The following PATJ variants were observed in gnomAD, a reference collection of about 807,000 sequenced individuals.
PATJ encodes inaD-like protein.
PATJ carries 190 observed loss-of-function variants against 224.9 expected under a neutral mutation model. The observed-to-expected ratio is 0.84, with a 90% CI of 0.75 to 0.95. The LOEUF is 0.95. PATJ is among the 40% of genes least tolerant of loss of function. The pLI is 0.00. For synonymous variants in PATJ, 769 were observed against 820.3 expected, an observed-to-expected ratio of 0.94 and a Z score of 1.07; for missense variants, 2,121 against 2,270.3, an observed-to-expected ratio of 0.93 and a Z score of 1.34.
At position 61,861,632 on chromosome 1, in the gene PATJ, G is replaced by C. The variant is rs116544267; in HGVS notation, c.2404G>C (p.Asp802His). Residue 802 changes from aspartate to histidine, a missense_variant, in exon 19 of 44, where the codon GAT becomes CAT. Coordinates refer to ENST00000642238, the MANE Select transcript of PATJ (RefSeq NM_001350145.3). Reference protein sequence around the residue: ...DKTEFSGTIHDINSSLILEAP... With the variant: ...DKTEFSGTIHHINSSLILEAP... ...GACTGAATTTTCAGGAACAATTCATGATATAAATTCATCTTTAATACTCGA... is the reference window on the plus strand; with the variant it reads ...GACTGAATTTTCAGGAACAATTCATCATATAAATTCATCTTTAATACTCGA... 3,109 of 1,471,416 alleles carry C rather than the reference G, an allele frequency of 2.1e-3. 65 individuals are homozygous for C. In the African/African-American group the frequency reaches 0.04, roughly 19 times the overall value. 91.1% of individuals were successfully genotyped at this position (1,471,416 alleles called of 1,614,324 possible).
In PATJ at chr1:61,791,886, T is replaced by A. The variant is rs143851719; in HGVS notation, c.1168+439T>A. Among the ~76,000 whole-genome samples, 769 of 152,318 alleles carry A rather than the reference T, an allele frequency of 5.0e-3. 3 individuals are homozygous for A. Among genetic ancestry groups the A allele is most frequent in the Non-Finnish European group, 6.8e-3 (463 of 68,018 alleles). On this transcript the variant is annotated intron_variant, in intron 9 of 43. Coordinates refer to ENST00000642238, the MANE Select transcript of PATJ (RefSeq NM_001350145.3). ...TTTCATTAGAACTATTTTCTTTTCA[T>A]GTGAAAGAAATAAACTATGAGAATA... is the stretch of plus-strand genomic sequence containing the variant.
intron 13 of PATJ, among the ~76,000 whole-genome samples, chr1:61,807,875 T>C (rs1331518254): frequency 6.6e-6 from 1 of 152,248 alleles, no homozygotes; most frequent in Admixed American, 6.5e-5. Flanking sequence ...AATTCACTTC[T>C]GTGGATGTCC....
At chr1:61,934,170 G>A (rs1408590356) in intron 27 of PATJ, among the ~76,000 whole-genome samples, 1 of 152,162 alleles carries the variant, frequency 6.6e-6, no homozygotes, top group East Asian at 1.9e-4. Flanking sequence ...CCAGGCTAGA[G>A]TGCAGTGGCA....
At chr1:61,776,393 AACAAAGGCAGTGG>A in intron 7 of PATJ, among the ~76,000 whole-genome samples, 1 of 152,212 alleles carries the variant, frequency 6.6e-6, no homozygotes, top group Non-Finnish European at 1.5e-5. Flanking sequence ...CTTGGTGCAA[AACAAAGGCAGTGG>A]CCACAAACCG....
chr1:62,000,356 C>A (rs1366580985), intron 28 of PATJ, among the ~76,000 whole-genome samples: 6 of 118,556 alleles, frequency 5.1e-5, no homozygotes, highest in Non-Finnish European at 1.0e-4. Flanking sequence ...CCTCCCCCCA[C>A]CCCACAACAG....
At chr1:61,925,450 A>G (rs1675052814) in intron 26 of PATJ, among the ~76,000 whole-genome samples, 1 of 152,232 alleles carries the variant, frequency 6.6e-6, no homozygotes, top group African/African-American at 2.4e-5. Flanking sequence ...ACAAGTACAC[A>G]TCAGAACCAA....
intron 31 of PATJ, among the ~76,000 whole-genome samples, chr1:62,068,001 G>A (rs895256394): frequency 6.6e-6 from 1 of 152,062 alleles, no homozygotes; most frequent in African/African-American, 2.4e-5. Context: ...GGGTTTCACC[G>A]TGTTCCCTAG....
At chr1:62,062,395 T>G (rs1362839464) in intron 31 of PATJ, among the ~76,000 whole-genome samples, 2 of 110,240 alleles carry the variant, frequency 1.8e-5, no homozygotes, top group Non-Finnish European at 4.5e-5. Flanking sequence ...TTGTCTTCTT[T>G]TTTTTTTTTT....
chr1:61,846,282 A>C (rs1410869970), intron 17 of PATJ: 1 of 152,192 alleles, frequency 6.6e-6, no homozygotes. Flanking sequence ...AATCTTCATG[A>C]TTAAACAACT....
chr1:62,046,860 G>C (rs554656378), intron 30 of PATJ, among the ~76,000 whole-genome samples: 1 of 152,274 alleles, frequency 6.6e-6, no homozygotes, highest in East Asian at 1.9e-4. Context: ...TAGACATAGA[G>C]AGTATTTTTT....
intron 14 of PATJ, 61 bp downstream of exon 14, chr1:61,808,591 A>G (rs144527097): frequency 3.8e-4 from 402 of 1,064,970 alleles, no homozygotes; most frequent in Non-Finnish European, 5.4e-4. Flanking sequence ...GGGTCTCACT[A>G]TGTTGTCCAG....
At chr1:62,066,951 A>G (rs1656556811) in intron 31 of PATJ, among the ~76,000 whole-genome samples, 1 of 151,966 alleles carries the variant, frequency 6.6e-6, no homozygotes, top group Non-Finnish European at 1.5e-5. Flanking sequence ...GGTCAGTTTG[A>G]AAGATATCTC....
intron 41 of PATJ, among the ~76,000 whole-genome samples, chr1:62,139,786 G>A (rs1667319741): frequency 6.6e-6 from 1 of 150,846 alleles, no homozygotes; most frequent in South Asian, 2.1e-4. Context: ...TTGAGACAGG[G>A]TCTCACTCTG....
intron 17 of PATJ, chr1:61,852,518 ATG>A (rs940685330): frequency 6.6e-5 from 10 of 151,836 alleles, no homozygotes; most frequent in African/African-American, 2.4e-4. Flanking sequence ...TTGGCAGCAC[ATG>A]TACTAAAATT....
intron 27 of PATJ, among the ~76,000 whole-genome samples, chr1:61,973,555 G>A (rs1186454398): frequency 6.6e-6 from 1 of 151,880 alleles, no homozygotes; most frequent in Non-Finnish European, 1.5e-5. Context: ...AAATATTAAT[G>A]TTGTCAGTGC....
At chr1:61,838,893 C>T (rs1438057619) in intron 17 of PATJ, among the ~76,000 whole-genome samples, 1 of 152,100 alleles carries the variant, frequency 6.6e-6, no homozygotes, top group East Asian at 1.9e-4. Flanking sequence ...TGTTAGGTAA[C>T]ATTTACTGAA....
chr1:61,968,522 C>CT (rs1682488476), intron 27 of PATJ, among the ~76,000 whole-genome samples: 1 of 152,016 alleles, frequency 6.6e-6, no homozygotes, highest in African/African-American at 2.4e-5. Context: ...TTCTCCAAAA[C>CT]TTTATCTTCC....
chr1:61,982,872 G>A (rs1266805458), intron 27 of PATJ, among the ~76,000 whole-genome samples: 1 of 151,804 alleles, frequency 6.6e-6, no homozygotes, highest in African/African-American at 2.4e-5. Flanking sequence ...TATTAGGTTG[G>A]TGCAAAAGTC....
intron 33 of PATJ, among the ~76,000 whole-genome samples, chr1:62,105,545 G>A (rs962018512): frequency 1.2e-4 from 18 of 152,186 alleles, no homozygotes; most frequent in African/African-American, 3.9e-4. Flanking sequence ...CACTGACCCC[G>A]CAAGTTTCCT....
Sources: gnomAD v4.1 joint callset for allele counts (sites outside exome capture counted in the v4.1 genomes callset) on GRCh38, gnomAD v4.1.1 for gene constraint, MANE v1.5 for transcripts, NCBI Gene and HGNC (gene_info 2026-07-23, HGNC 2026-07-21) for gene names.